The following B3GLCT variants were observed in gnomAD, a reference collection of about 807,000 sequenced individuals.
The protein encoded by B3GLCT is beta-1,3-glucosyltransferase.
A neutral mutation model predicts 63.4 loss-of-function variants in B3GLCT; 65 were observed. That is an observed-to-expected ratio of 1.03 (90% CI 0.84 to 1.26). The LOEUF (loss-of-function observed/expected upper bound fraction) is 1.26. Among genes scored for constraint, B3GLCT ranks in the 50% most tolerant of loss-of-function variants. The pLI is 0.00. For synonymous variants in B3GLCT, 233 were observed against 219.2 expected (o/e 1.06, Z -0.55); for missense variants, 577 against 604.8 (o/e 0.95, Z 0.48).
chr13:31,319,958 C>T (rs1875254139), intron 13 of B3GLCT, among the ~76,000 whole-genome samples: 1 of 152,206 alleles, frequency 6.6e-6, no homozygotes, highest in African/African-American at 2.4e-5. Flanking sequence ...TCAACTGAAT[C>T]ACCCAGTCCT....
rs568699239 is a variant in B3GLCT, at chr13:31,262,897, G to T, written c.596+1815G>T. On this transcript the variant is annotated intron_variant, in intron 7 of 14. Transcript: ENST00000343307. Reference sequence around the variant, plus strand: ...TCCATGGGAGAAGTCCCACGTGGCTGTGATTTTTCTGACTTGGGACTTATA... The same window carrying T: ...TCCATGGGAGAAGTCCCACGTGGCTTTGATTTTTCTGACTTGGGACTTATA... Among the ~76,000 whole-genome samples the T allele has an allele frequency of 2.6e-5, 4 of 152,284 alleles. 1 individual carries two copies. In the South Asian group the frequency reaches 8.3e-4, roughly 32 times the overall value.
intron 8 of B3GLCT, among the ~76,000 whole-genome samples, chr13:31,271,030 C>G (rs770054074): frequency 6.6e-6 from 1 of 152,252 alleles, no homozygotes; most frequent in Non-Finnish European, 1.5e-5. Context: ...CTGCATAAGG[C>G]GTGAATTCCT....
chr13:31,287,930 C>T (rs1359673389), intron 12 of B3GLCT, among the ~76,000 whole-genome samples: 1 of 152,030 alleles, frequency 6.6e-6, no homozygotes, highest in Non-Finnish European at 1.5e-5. Context: ...GAAGACATTG[C>T]AATAATAACT....
At chr13:31,283,801 AAAGTT>A in intron 10 of B3GLCT, among the ~76,000 whole-genome samples, 1 of 152,190 alleles carries the variant, frequency 6.6e-6, no homozygotes, top group Non-Finnish European at 1.5e-5. Context: ...AAGTTTCTCA[AAAGTT>A]AAGTGAAGAT....
intron 1 of B3GLCT, among the ~76,000 whole-genome samples, chr13:31,208,046 G>A (rs189104670): frequency 2.0e-5 from 3 of 152,088 alleles, no homozygotes; most frequent in Admixed American, 2.0e-4. Context: ...TTAAGTGGCA[G>A]CGCTCGGATT....
At chr13:31,251,299 C>A (rs1371778477) in intron 6 of B3GLCT, among the ~76,000 whole-genome samples, 1 of 152,144 alleles carries the variant, frequency 6.6e-6, no homozygotes, top group African/African-American at 2.4e-5. Context: ...AAAACCAGAA[C>A]ACCTCTTCTC....
chr13:31,311,897 T>C (rs1401425797), intron 12 of B3GLCT, among the ~76,000 whole-genome samples: 1 of 152,202 alleles, frequency 6.6e-6, no homozygotes, highest in South Asian at 2.1e-4. Flanking sequence ...ATACTTAATA[T>C]ATAATTTTAT....
chr13:31,211,975 G>C (rs1258816422), intron 1 of B3GLCT, among the ~76,000 whole-genome samples: 1 of 152,120 alleles, frequency 6.6e-6, no homozygotes, highest in Non-Finnish European at 1.5e-5. Context: ...AGCAAACACT[G>C]TTATTAGATG....
rs1044057279 is a variant in B3GLCT at position 31,329,511 on chromosome 13, T to C, written c.1340T>C (p.Val447Ala). ...CTATTTTTCCTGCAGGCTCGGCCGGTGGATTACCCTAAGGACTACCTTTCT... is the reference window on the plus strand; with the variant it reads ...CTATTTTTCCTGCAGGCTCGGCCGGCGGATTACCCTAAGGACTACCTTTCT... ...HSPLFHQARP[V>A]DYPKDYLSHQ... is the part of the protein sequence containing the mutation. Residue 447 changes from valine (V) to alanine (A), a missense_variant, in exon 15 of 15, where the codon GTG (valine) becomes GCG (alanine). Physicochemically the swap from Val to Ala is moderately conservative, Grantham distance 64. Coordinates refer to ENST00000343307, the MANE Select transcript of B3GLCT (RefSeq NM_194318.4). 1 of 1,614,012 alleles carries C rather than the reference T, an allele frequency of 6.2e-7. No individual in the cohort carries two copies. The highest frequency in any genetic ancestry group is 1.3e-5 in the African/African-American group (1 of 74,906).
At chr13:31,216,776 T>A (rs1869583721) in intron 2 of B3GLCT, among the ~76,000 whole-genome samples, 1 of 152,228 alleles carries the variant, frequency 6.6e-6, no homozygotes, top group Non-Finnish European at 1.5e-5. Flanking sequence ...GCAAAGGCCA[T>A]GTTCTCATTC....
chr13:31,225,521 C>G (rs1432065781), intron 3 of B3GLCT, among the ~76,000 whole-genome samples: 4 of 152,206 alleles, frequency 2.6e-5, no homozygotes, highest in Non-Finnish European at 5.9e-5. Context: ...ACTGTACTAA[C>G]TATACTAACC....
At chr13:31,256,324 TTGG>T (rs1429451655) in intron 6 of B3GLCT, among the ~76,000 whole-genome samples, 9 of 152,296 alleles carry the variant, frequency 5.9e-5, no homozygotes, top group African/African-American at 1.9e-4. Flanking sequence ...TTTTACACTG[TTGG>T]TGGGAGTGTA....
intron 1 of B3GLCT, among the ~76,000 whole-genome samples, chr13:31,202,601 G>A (rs11620257): frequency 0.055 from 8,417 of 152,272 alleles, 315 homozygotes; most frequent in Non-Finnish European, 0.086. Context: ...GGTGGCAGCA[G>A]CACTGTGAGA....
intron 7 of B3GLCT, among the ~76,000 whole-genome samples, chr13:31,262,701 G>C (rs1316639967): frequency 6.6e-6 from 1 of 152,176 alleles, no homozygotes; most frequent in Non-Finnish European, 1.5e-5. Context: ...CCTTTGTTGA[G>C]TCTGGACTCT....
At chr13:31,235,254 T>C (rs1158370279) in intron 4 of B3GLCT, among the ~76,000 whole-genome samples, 1 of 152,102 alleles carries the variant, frequency 6.6e-6, no homozygotes, top group Non-Finnish European at 1.5e-5. Flanking sequence ...GGGTGTCATA[T>C]CTGAAGTGAG....
chr13:31,208,981 A>C (rs1869125044), intron 1 of B3GLCT, among the ~76,000 whole-genome samples: 1 of 151,956 alleles, frequency 6.6e-6, no homozygotes, highest in African/African-American at 2.4e-5. Flanking sequence ...CCTCCCCTCA[A>C]GGGACCCTGC....
At chr13:31,308,542 G>A (rs941993668) in intron 12 of B3GLCT, among the ~76,000 whole-genome samples, 7 of 151,952 alleles carry the variant, frequency 4.6e-5, no homozygotes, top group Non-Finnish European at 8.8e-5. Flanking sequence ...AACCTCCTGT[G>A]TGTCTGGATT....
At chr13:31,277,778 T>C (rs933392160) in intron 10 of B3GLCT, among the ~76,000 whole-genome samples, 5 of 152,196 alleles carry the variant, frequency 3.3e-5, no homozygotes, top group Non-Finnish European at 7.4e-5. Flanking sequence ...TAATCAATTA[T>C]ATCTTAAAAA....
At chr13:31,263,049 G>T in intron 7 of B3GLCT, among the ~76,000 whole-genome samples, 1 of 152,094 alleles carries the variant, frequency 6.6e-6, no homozygotes, top group Non-Finnish European at 1.5e-5. Flanking sequence ...CTTCCTCCAG[G>T]GCTAAAGAGG....
Sources: gnomAD v4.1 joint callset for allele counts (sites outside exome capture counted in the v4.1 genomes callset) on GRCh38, gnomAD v4.1.1 for gene constraint, MANE v1.5 for transcripts, NCBI Gene and HGNC (gene_info 2026-07-23, HGNC 2026-07-21) for gene names.